Variants in XIRP2 observed in about 807,000 individuals in gnomAD.
The protein encoded by XIRP2 is xin actin-binding repeat-containing protein 2.
In XIRP2, 236 loss-of-function variants were observed where a neutral mutation model predicts 277.0. The ratio of observed to expected loss-of-function variants is 0.85; its 90% CI spans 0.77 to 0.95. The LOEUF (loss-of-function observed/expected upper bound fraction) is 0.95, where lower values mean the gene tolerates loss of function less well. Ranked by LOEUF, XIRP2 falls within the 40% of genes least tolerant of loss-of-function variation. The pLI is 0.00. For synonymous variants in XIRP2, 1,490 were observed against 1,416.5 expected, an observed-to-expected ratio of 1.05 and a Z score of -1.17; for missense variants, 4,640 against 4,157.5, an observed-to-expected ratio of 1.12 and a Z score of -3.19.
At chr2:166,903,315 G>A (rs1684430838) in intron 1 of XIRP2, 150 bp from the exon 2 acceptor site, 2 of 703,162 alleles carry the variant, frequency 2.8e-6, no homozygotes, top group Middle Eastern at 4.0e-4. Context: ...GTGAAGTGAA[G>A]AGCCAGAAAT....
intron 5 of XIRP2, among the ~76,000 whole-genome samples, chr2:167,231,237 A>G (rs1694741654): frequency 6.6e-6 from 1 of 151,984 alleles, no homozygotes; most frequent in South Asian, 2.1e-4. Context: ...AAAAGGACTG[A>G]TGGCCATAAA....
At chr2:166,916,120 A>G (rs1231874015) in intron 2 of XIRP2, among the ~76,000 whole-genome samples, 1 of 152,216 alleles carries the variant, frequency 6.6e-6, no homozygotes, top group Non-Finnish European at 1.5e-5. Flanking sequence ...TCCACTAATC[A>G]GAGCCTCTGG....
At chr2:167,130,389 C>T (rs1479612078) in intron 2 of XIRP2, among the ~76,000 whole-genome samples, 1 of 152,136 alleles carries the variant, frequency 6.6e-6, no homozygotes, top group Non-Finnish European at 1.5e-5. Flanking sequence ...CAAGTCCTTC[C>T]ATTTTCCTGG....
At chr2:167,160,096 G>A (rs1476092574) in intron 3 of XIRP2, among the ~76,000 whole-genome samples, 5 of 152,098 alleles carry the variant, frequency 3.3e-5, no homozygotes, top group African/African-American at 4.8e-5. Context: ...TATTGAAAAT[G>A]CCTGGCCCTG....
rs377460021 is a variant in XIRP2 at position 167,023,704 on chromosome 2, A to G, written c.409-112205A>G. Among the ~76,000 whole-genome samples the G allele has an allele frequency of 7.9e-5, 12 of 152,286 alleles. No individual in the cohort carries two copies. In the East Asian group the frequency reaches 2.1e-3, roughly 27 times the overall value. On this transcript the variant is annotated intron_variant, in intron 2 of 10. Coordinates refer to ENST00000409195, the MANE Select transcript of XIRP2 (RefSeq NM_152381.6). ...GCCAGTTTTCCCAGCACCATTTATT[A>G]AATAGGGAATCCTTTCCCCATTGCT...
At chr2:166,941,043 G>A (rs1385988934) in intron 2 of XIRP2, among the ~76,000 whole-genome samples, 4 of 152,312 alleles carry the variant, frequency 2.6e-5, no homozygotes, top group Non-Finnish European at 4.4e-5. Flanking sequence ...GCCCCGAGAG[G>A]TGGAGTCTAC....
intron 2 of XIRP2, among the ~76,000 whole-genome samples, chr2:167,077,921 T>A (rs1359555514): frequency 2.0e-5 from 3 of 152,238 alleles, no homozygotes; most frequent in African/African-American, 7.2e-5. Context: ...TGCCTCTGGC[T>A]TTTTTCTTTT....
chr2:167,114,368 A>G (rs1463176520), intron 2 of XIRP2, among the ~76,000 whole-genome samples: 1 of 152,076 alleles, frequency 6.6e-6, no homozygotes, highest in African/African-American at 2.4e-5. Context: ...TCAGAAAGTC[A>G]GTTTTCAAGC....
chr2:167,004,782 G>A (rs866040816), intron 2 of XIRP2, among the ~76,000 whole-genome samples: 14 of 151,882 alleles, frequency 9.2e-5, no homozygotes, highest in Middle Eastern at 3.4e-3. Flanking sequence ...ATCAGTAATC[G>A]AAGACCAAAA....
At chr2:167,027,759 G>T (rs1688213958) in intron 2 of XIRP2, among the ~76,000 whole-genome samples, 1 of 151,930 alleles carries the variant, frequency 6.6e-6, no homozygotes, top group Non-Finnish European at 1.5e-5. Flanking sequence ...GTTGGAGTTT[G>T]CTAGAGGTCC....
At chr2:166,921,405 A>T (rs1300002783) in intron 2 of XIRP2, among the ~76,000 whole-genome samples, 1 of 152,122 alleles carries the variant, frequency 6.6e-6, no homozygotes, top group Non-Finnish European at 1.5e-5. Context: ...TCCATTTCAA[A>T]TGATTACTTA....
intron 5 of XIRP2, among the ~76,000 whole-genome samples, chr2:167,221,093 T>C (rs1202759796): frequency 6.6e-6 from 1 of 152,028 alleles, no homozygotes; most frequent in African/African-American, 2.4e-5. Context: ...AAATACAATA[T>C]AAAAGAAACA....
intron 2 of XIRP2, among the ~76,000 whole-genome samples, chr2:166,911,438 C>CT (rs1247182895): frequency 6.6e-6 from 1 of 151,992 alleles, no homozygotes; most frequent in Non-Finnish European, 1.5e-5. Context: ...CAACCCCTGC[C>CT]TTTTTTTGTT....
chr2:167,214,400 C>T (rs1416276015), intron 4 of XIRP2, among the ~76,000 whole-genome samples: 1 of 150,126 alleles, frequency 6.7e-6, no homozygotes, highest in Admixed American at 6.6e-5. Context: ...TCACTTGAAC[C>T]CAGGAAACAG....
intron 2 of XIRP2, among the ~76,000 whole-genome samples, chr2:166,948,138 A>G (rs1685931419): frequency 6.6e-6 from 1 of 152,102 alleles, no homozygotes; most frequent in Non-Finnish European, 1.5e-5. Context: ...ATAACGGTGG[A>G]TTCATGTCAT....
chr2:167,258,733 A>C lies in XIRP2; in HGVS notation c.*916A>C, dbSNP rs1200222237. 1 of 1,613,276 alleles carries C rather than the reference A, an allele frequency of 6.2e-7. No individual in the cohort carries two copies. Among genetic ancestry groups the C allele is most frequent in the East Asian group, 2.2e-5 (1 of 44,842 alleles). Reference sequence around the variant, plus strand: ...GCAGGCAGAAGACATCTATTTTAGAATTTCTTGATCTATTACCCTTGTCGA... The same window carrying C: ...GCAGGCAGAAGACATCTATTTTAGACTTTCTTGATCTATTACCCTTGTCGA... On this transcript the variant is annotated 3_prime_UTR_variant, in exon 11 of 11. Transcript: ENST00000409195.
intron 2 of XIRP2, among the ~76,000 whole-genome samples, chr2:167,103,087 T>G (rs1453910242): frequency 1.3e-5 from 2 of 151,938 alleles, no homozygotes; most frequent in Non-Finnish European, 2.9e-5. Flanking sequence ...TACAGTCAGT[T>G]CAGATCGCGC....
At position 167,152,213 on chromosome 2, in the gene XIRP2, C is replaced by G. The variant is rs534290268; in HGVS notation, c.562+16151C>G. Among the ~76,000 whole-genome samples, 7 of 152,154 alleles carry G rather than the reference C, an allele frequency of 4.6e-5. No homozygotes were observed. The East Asian group carries it at 1.2e-3, about 25-fold the overall frequency. On this transcript the variant is annotated intron_variant, in intron 3 of 10. Coordinates refer to ENST00000409195, the MANE Select transcript of XIRP2 (RefSeq NM_152381.6). ...AGCAAGTATTTTCTGACCTTCTGTT[C>G]TGAAGTAGGTCATGAAAACTCCACT...
At chr2:167,193,879 C>CAAAAAAAA (rs767047580) in intron 3 of XIRP2, among the ~76,000 whole-genome samples, 166 of 71,722 alleles carry the variant, frequency 2.3e-3, no homozygotes, top group Middle Eastern at 0.01. Flanking sequence ...GACTCTGTCT[C>CAAAAAAAA]AAAAAAAAAA....
Sources: gnomAD v4.1 joint callset for allele counts (sites outside exome capture counted in the v4.1 genomes callset) on GRCh38, gnomAD v4.1.1 for gene constraint, MANE v1.5 for transcripts, NCBI Gene and HGNC (gene_info 2026-07-23, HGNC 2026-07-21) for gene names.